DCC: variants seen among roughly 807,000 people sequenced by gnomAD.
The protein encoded by DCC is netrin receptor DCC.
In DCC, 58 loss-of-function variants were observed where a neutral mutation model predicts 172.5. The ratio of observed to expected loss-of-function variants is 0.34; its 90% CI spans 0.27 to 0.42. The LOEUF (loss-of-function observed/expected upper bound fraction) is 0.42, where lower values mean the gene tolerates loss of function less well. Ranked by LOEUF, DCC falls within the 10% of genes least tolerant of loss-of-function variation. The pLI, the probability that DCC is intolerant of heterozygous loss-of-function variation, is 1.00. For synonymous variants in DCC, 709 were observed against 644.5 expected (o/e 1.10, Z -1.52); for missense variants, 1,740 against 1,791.0 (o/e 0.97, Z 0.51).
chr18:52,871,061 T>C (rs911032825), intron 2 of DCC, among the ~76,000 whole-genome samples: 2 of 152,288 alleles, frequency 1.3e-5, no homozygotes, highest in South Asian at 4.1e-4. Context: ...AAGGTTGACA[T>C]GACAAAAGCC....
intron 20 of DCC, 23 bp downstream of exon 20, chr18:53,410,669 C>T: frequency 7.1e-7 from 1 of 1,398,774 alleles, no homozygotes; most frequent in Non-Finnish European, 1.0e-6. Context: ...TCCTATTATG[C>T]TTTTCTTTTC....
chr18:53,376,054 C>G (rs1568091217), intron 15 of DCC, among the ~76,000 whole-genome samples: 1 of 152,020 alleles, frequency 6.6e-6, no homozygotes, highest in Admixed American at 6.5e-5. Flanking sequence ...CATTCCTACT[C>G]TATCTATTTT....
chr18:53,397,450 T>G lies in DCC; in HGVS notation c.2827+4T>G. The G allele has an allele frequency of 6.2e-7, 1 of 1,613,906 alleles. No individual in the cohort carries two copies. Among genetic ancestry groups the G allele is most frequent in the Non-Finnish European group, 8.5e-7 (1 of 1,179,902 alleles). ...CATGCCACCACGTATGAAGCAGGTA[T>G]GTGAGGAAATGTCTACTTTGGACCC... On this transcript the variant is annotated splice_donor_region_variant and intron_variant, in intron 18 of 28. Transcript: ENST00000442544.
At chr18:52,364,125 G>A (rs1012099601) in intron 1 of DCC, among the ~76,000 whole-genome samples, 1 of 152,124 alleles carries the variant, frequency 6.6e-6, no homozygotes, top group African/African-American at 2.4e-5. Context: ...CCACACTGAT[G>A]CTTAAATATG....
At chr18:52,750,511 C>T (rs138339716) in intron 1 of DCC, among the ~76,000 whole-genome samples, 3 of 152,226 alleles carry the variant, frequency 2.0e-5, no homozygotes, top group African/African-American at 4.8e-5. Context: ...AAGCAAAGTT[C>T]CAGATGCTTT....
intron 5 of DCC, among the ~76,000 whole-genome samples, chr18:52,998,367 TG>T (rs1175351069): frequency 3.3e-5 from 5 of 152,030 alleles, no homozygotes; most frequent in Admixed American, 2.0e-4. Context: ...TAAGAAATAG[TG>T]GGCAAGCTTA....
chr18:53,280,334 G>A (rs182693046), intron 12 of DCC, among the ~76,000 whole-genome samples: 60 of 152,174 alleles, frequency 3.9e-4, no homozygotes, highest in African/African-American at 1.4e-3. Context: ...ACATTTCAGA[G>A]ACATTTGTAG....
intron 9 of DCC, among the ~76,000 whole-genome samples, chr18:53,190,833 C>T (rs1331823907): frequency 6.6e-6 from 1 of 152,092 alleles, no homozygotes. Flanking sequence ...GTAGTCCCGG[C>T]TACTGGGGAG....
chr18:53,289,222 G>A (rs1220643842), intron 12 of DCC, among the ~76,000 whole-genome samples: 2 of 152,116 alleles, frequency 1.3e-5, no homozygotes. Flanking sequence ...ATAGGCTCAA[G>A]TTTAGAAAGG....
chr18:53,023,803 G>A (rs892426718), intron 5 of DCC, among the ~76,000 whole-genome samples: 2 of 152,100 alleles, frequency 1.3e-5, no homozygotes, highest in South Asian at 4.1e-4. Context: ...CCTCACTTAT[G>A]TGTGGATTGA....
chr18:52,668,668 T>C (rs1000308936), intron 1 of DCC, among the ~76,000 whole-genome samples: 2 of 152,236 alleles, frequency 1.3e-5, no homozygotes, highest in African/African-American at 4.8e-5. Flanking sequence ...GGCTTTTTCT[T>C]TGTGAACTTC....
chr18:52,666,894 ATT>A (rs1223897224), intron 1 of DCC, among the ~76,000 whole-genome samples: 1 of 152,188 alleles, frequency 6.6e-6, no homozygotes, highest in Non-Finnish European at 1.5e-5. Context: ...ACTCCCAGGT[ATT>A]TTGATGAAAA....
intron 2 of DCC, among the ~76,000 whole-genome samples, chr18:52,859,677 C>A (rs2145358359): frequency 6.6e-6 from 1 of 152,322 alleles, no homozygotes; most frequent in East Asian, 1.9e-4. Context: ...TCCATCAATG[C>A]AGGTTTTCTC....
At chr18:52,967,695 C>G (rs1223705206) in intron 5 of DCC, among the ~76,000 whole-genome samples, 1 of 152,154 alleles carries the variant, frequency 6.6e-6, no homozygotes, top group Non-Finnish European at 1.5e-5. Flanking sequence ...TATTAGATCT[C>G]TCTCTAGATG....
At chr18:53,269,753 A>G (rs1035295718) in intron 12 of DCC, among the ~76,000 whole-genome samples, 32 of 152,270 alleles carry the variant, frequency 2.1e-4, no homozygotes, top group African/African-American at 7.5e-4. Flanking sequence ...CCCAAAGTGC[A>G]CAGCTAGATG....
At chr18:52,433,328 T>G (rs1339793035) in intron 1 of DCC, among the ~76,000 whole-genome samples, 1 of 152,204 alleles carries the variant, frequency 6.6e-6, no homozygotes, top group Non-Finnish European at 1.5e-5. Flanking sequence ...TGCTTTCATA[T>G]CCATTCGTTC....
chr18:52,816,912 A>C (rs892924335), intron 2 of DCC: 2 of 152,144 alleles, frequency 1.3e-5, no homozygotes, highest in East Asian at 1.9e-4. Flanking sequence ...CTCAGTGTCA[A>C]ATATTTTTGG....
chr18:53,305,715 C>T lies in DCC; in HGVS notation c.2049C>T (p.Phe683=), dbSNP rs2057192492. 6.2e-7 allele frequency: 1 copy of T among 1,613,916 alleles called. No individual in the cohort carries two copies. The highest frequency in any genetic ancestry group is 8.5e-7 in the Non-Finnish European group (1 of 1,179,832). ...TLEPNNLWYL[F]TGLEKGSQYS... is the part of the protein sequence containing the mutation. ...AGCCAAACAACCTCTGGTACCTATT[C>T]ACAGGTCAGTGTTCACATGGTGTAG... Residue 683 remains phenylalanine, a synonymous_variant, in exon 13 of 29, where the codon TTC becomes TTT. Coordinates refer to ENST00000442544, the MANE Select transcript of DCC (RefSeq NM_005215.4).
chr18:52,558,175 GA>G (rs1277672693), intron 1 of DCC, among the ~76,000 whole-genome samples: 3 of 151,588 alleles, frequency 2.0e-5, no homozygotes, highest in Non-Finnish European at 4.4e-5. Context: ...ATCATTATTG[GA>G]AAAAATTATT....
Sources: gnomAD v4.1 joint callset for allele counts (sites outside exome capture counted in the v4.1 genomes callset) on GRCh38, gnomAD v4.1.1 for gene constraint, MANE v1.5 for transcripts, NCBI Gene and HGNC (gene_info 2026-07-23, HGNC 2026-07-21) for gene names.